The following OPCML variants were observed in gnomAD, a reference collection of about 807,000 sequenced individuals.
OPCML encodes the protein opioid-binding protein/cell adhesion molecule.
Under a neutral mutation model 37.8 loss-of-function variants are expected in OPCML, and 13 were observed. That is an observed-to-expected ratio of 0.34 (90% confidence interval 0.22 to 0.55). The LOEUF (loss-of-function observed/expected upper bound fraction) is 0.55. Among genes scored for constraint, OPCML ranks in the 20% least tolerant of loss-of-function variants. The probability of loss-of-function intolerance (pLI) is 0.91; values close to 1 mark genes in which losing one functional copy is unlikely to be tolerated. For missense variants in OPCML, 341 were observed against 435.6 expected (o/e 0.78, Z 1.93); for synonymous variants, 176 against 168.8 (o/e 1.04, Z -0.33).
chr11:133,008,952 T>C, intron 1 of OPCML: 1 of 985,420 alleles, frequency 1.0e-6, no homozygotes, highest in Non-Finnish European at 1.2e-6. Context: ...ACTGAGCAAT[T>C]TTCTACATTA....
At chr11:133,145,495 A>C (rs926422650) in intron 1 of OPCML, among the ~76,000 whole-genome samples, 1 of 152,204 alleles carries the variant, frequency 6.6e-6, no homozygotes, top group Non-Finnish European at 1.5e-5. Context: ...GTTGTGCTGG[A>C]AGGAAACCTG....
chr11:133,072,630 C>T (rs891066393), intron 1 of OPCML, among the ~76,000 whole-genome samples: 1 of 152,118 alleles, frequency 6.6e-6, no homozygotes, highest in African/African-American at 2.4e-5. Flanking sequence ...TCCATAATCA[C>T]CAGTTAGAGA....
At chr11:132,701,972 A>C (rs1046422018) in intron 2 of OPCML, among the ~76,000 whole-genome samples, 1 of 151,930 alleles carries the variant, frequency 6.6e-6, no homozygotes, top group African/African-American at 2.4e-5. Flanking sequence ...CTTCTTCCCT[A>C]CATTTTGTGT....
Position 133,077,763 on chromosome 11 carries a change from C to T in OPCML, c.62-134753G>A, listed in dbSNP as rs138475672. ...AATCAATAAGAAAAAGAAAAGACTC[C>T]TATTGGAATATAGGCAAAAGATGCA... On this transcript the variant is annotated intron_variant, in intron 1 of 7. Transcript: ENST00000524381. 3.6e-3 allele frequency among the ~76,000 whole-genome samples: 550 copies of T among 152,152 alleles called. 2 individuals are homozygous for T. The highest frequency in any genetic ancestry group is 0.012 in the African/African-American group (509 of 41,516).
chr11:133,406,069 T>C (rs935825735), intron 1 of OPCML, among the ~76,000 whole-genome samples: 1 of 152,184 alleles, frequency 6.6e-6, no homozygotes, highest in African/African-American at 2.4e-5. Context: ...CTGTGTCTAA[T>C]TGCATGCTGT....
chr11:133,253,008 T>C (rs1294090190), intron 1 of OPCML, among the ~76,000 whole-genome samples: 1 of 151,950 alleles, frequency 6.6e-6, no homozygotes, highest in South Asian at 2.1e-4. Context: ...TAGCTGGGCG[T>C]GGTGGTGGGC....
At chr11:133,532,227 C>A in intron 1 of OPCML, 37 bp downstream of exon 1, 1 of 1,608,486 alleles carries the variant, frequency 6.2e-7, no homozygotes, top group Non-Finnish European at 8.5e-7. Context: ...CGTACAATCA[C>A]CCCAGGGAGA....
Position 133,173,905 on chromosome 11 carries a change from C to T in OPCML, c.62-230895G>A, listed in dbSNP as rs1003522995. 1.3e-5 allele frequency among the ~76,000 whole-genome samples: 2 copies of T among 152,118 alleles called. No homozygotes were observed. Among genetic ancestry groups the T allele is most frequent in the East Asian group, 1.9e-4 (1 of 5,188 alleles). On this transcript the variant is annotated intron_variant, in intron 1 of 7. Transcript: ENST00000524381. This position sits in a 1 kb window ranked among gnomAD's most constrained non-coding sequence, Gnocchi z 7.8. Reference sequence around the variant, plus strand: ...CTGAGGGCTGGAATGAAGATTGGACCGGGGCCGGCCGGCACTGGAGCAGCC... The same window carrying T: ...CTGAGGGCTGGAATGAAGATTGGACTGGGGCCGGCCGGCACTGGAGCAGCC...
intron 2 of OPCML, among the ~76,000 whole-genome samples, chr11:132,941,460 C>T (rs1015912883): frequency 6.6e-6 from 1 of 152,236 alleles, no homozygotes; most frequent in Admixed American, 6.5e-5. Context: ...CTGACATTTT[C>T]TTGGTTAACA....
chr11:132,881,079 C>T (rs1054606322), intron 2 of OPCML, among the ~76,000 whole-genome samples: 1 of 152,220 alleles, frequency 6.6e-6, no homozygotes, highest in Non-Finnish European at 1.5e-5. Context: ...AAGTTGCCCA[C>T]AGCACTCTGG....
chr11:132,564,251 T>C (rs1478273668), intron 3 of OPCML, among the ~76,000 whole-genome samples: 4 of 152,220 alleles, frequency 2.6e-5, no homozygotes, highest in Non-Finnish European at 5.9e-5. Flanking sequence ...TACTCAATTA[T>C]CTTATGAAAT....
intron 1 of OPCML, among the ~76,000 whole-genome samples, chr11:133,069,794 T>C (rs1376505016): frequency 3.3e-5 from 5 of 152,110 alleles, no homozygotes; most frequent in Non-Finnish European, 5.9e-5. Context: ...AAACGCCATA[T>C]AATAATTATC....
chr11:132,488,099 C>A (rs766591093), intron 4 of OPCML, among the ~76,000 whole-genome samples: 1 of 152,338 alleles, frequency 6.6e-6, no homozygotes, highest in East Asian at 1.9e-4. Context: ...AACCGCATGC[C>A]TATGCAGCTG....
chr11:132,792,669 G>T (rs2853049), intron 2 of OPCML, among the ~76,000 whole-genome samples: 1 of 152,068 alleles, frequency 6.6e-6, no homozygotes, highest in African/African-American at 2.4e-5. Flanking sequence ...GGGCGGAGAG[G>T]GGGTGGCGGA....
At chr11:133,498,695 G>A (rs73025655) in intron 1 of OPCML, among the ~76,000 whole-genome samples, 2,222 of 152,268 alleles carry the variant, frequency 0.015, 21 homozygotes, top group Non-Finnish European at 0.023. Context: ...CAGTAGCGTC[G>A]CACATCTGAT....
At chr11:133,445,801 C>T (rs1591509053) in intron 1 of OPCML, among the ~76,000 whole-genome samples, 1 of 152,024 alleles carries the variant, frequency 6.6e-6, no homozygotes, top group Non-Finnish European at 1.5e-5. Context: ...CCTTACTATT[C>T]CTCTGAGGAG....
At chr11:133,137,052 C>G (rs1949703246) in intron 1 of OPCML, among the ~76,000 whole-genome samples, 1 of 151,988 alleles carries the variant, frequency 6.6e-6, no homozygotes, top group African/African-American at 2.4e-5. Context: ...CCAAAAGGAC[C>G]ATTAACGTGA....
rs187401778 is a variant in OPCML at position 133,206,143 on chromosome 11, G to C, written c.62-263133C>G. On this transcript the variant is annotated intron_variant, in intron 1 of 7. Coordinates refer to ENST00000524381, the MANE Select transcript of OPCML (RefSeq NM_001012393.5). This position sits in a 1 kb window ranked among gnomAD's most constrained non-coding sequence, Gnocchi z 4.7. Reference sequence around the variant, plus strand: ...GATATTGGCTATATTTTATAAGGCTGTTTCAAGGTTTCAAAAAGACAATGC... The same window carrying C: ...GATATTGGCTATATTTTATAAGGCTCTTTCAAGGTTTCAAAAAGACAATGC... Among the ~76,000 whole-genome samples the C allele has an allele frequency of 1.3e-5, 2 of 152,310 alleles. No individual in the cohort carries two copies. The highest frequency in any genetic ancestry group is 1.3e-4 in the Admixed American group (2 of 15,292).
chr11:133,421,189 G>A, intron 1 of OPCML: 1 of 985,448 alleles, frequency 1.0e-6, no homozygotes, highest in Non-Finnish European at 1.2e-6. Context: ...ATAGCTCTCA[G>A]TTGCAAGGGA....
Sources: gnomAD v4.1 joint callset for allele counts (sites outside exome capture counted in the v4.1 genomes callset) on GRCh38, gnomAD v4.1.1 for gene constraint, Gnocchi (gnomAD v3.1) non-coding constraint, MANE v1.5 for transcripts, NCBI Gene and HGNC (gene_info 2026-07-23, HGNC 2026-07-21) for gene names.